The following CCDC63 variants were observed in gnomAD, a reference collection of about 807,000 sequenced individuals.
CCDC63 encodes the protein coiled-coil domain-containing protein 63.
CCDC63 carries 54 observed loss-of-function variants against 63.6 expected under a neutral mutation model. The observed-to-expected ratio is 0.85, with a 90% CI of 0.68 to 1.07. The LOEUF (loss-of-function observed/expected upper bound fraction) is 1.07. Ranked by LOEUF, CCDC63 falls within the 50% of genes least tolerant of loss-of-function variation. CCDC63 has a pLI of 0.00. For missense variants in CCDC63, 637 were observed against 689.6 expected (o/e 0.92, Z 0.86); for synonymous variants, 253 against 266.1 (o/e 0.95, Z 0.48).
rs2071242000 is a variant in CCDC63 at position 110,883,903 on chromosome 12, G to A, written c.854-127G>A. The A allele has an allele frequency of 4.0e-5, 30 of 759,100 alleles. No individual in the cohort carries two copies. The South Asian group carries it at 4.2e-4, about 11-fold the overall frequency. 47.0% of individuals were successfully genotyped at this position (759,100 alleles called of 1,614,324 possible). On this transcript the variant is annotated intron_variant, in intron 7 of 11. Coordinates refer to ENST00000308208, the MANE Select transcript of CCDC63 (RefSeq NM_152591.3). ...GATCTGCCTGCCTCGGCTTCCCAAAGTGTTGGGATTACAGGCGTGAGTCAC... is the reference window on the plus strand; with the variant it reads ...GATCTGCCTGCCTCGGCTTCCCAAAATGTTGGGATTACAGGCGTGAGTCAC...
intron 1 of CCDC63, among the ~76,000 whole-genome samples, chr12:110,847,577 A>AAT (rs1555251117): frequency 9.3e-5 from 14 of 151,338 alleles, no homozygotes; most frequent in African/African-American, 2.7e-4. Context: ...AAAAAAAAAA[A>AAT]GTTCAACAAA....
chr12:110,874,011 C>T (rs2071100438), intron 5 of CCDC63, 50 bp downstream of exon 5: 1 of 1,570,258 alleles, frequency 6.4e-7, no homozygotes, highest in Non-Finnish European at 8.6e-7. Flanking sequence ...CCCACGTTTG[C>T]TCAGAACAAA....
intron 4 of CCDC63, among the ~76,000 whole-genome samples, chr12:110,860,636 C>G (rs1008585697): frequency 7.2e-5 from 11 of 152,176 alleles, no homozygotes; most frequent in African/African-American, 2.4e-4. Flanking sequence ...GTCGCCCAGG[C>G]TGGAGTGTAG....
At chr12:110,906,148 G>T (rs981224377) in intron 11 of CCDC63, among the ~76,000 whole-genome samples, 1 of 125,832 alleles carries the variant, frequency 7.9e-6, no homozygotes, top group Non-Finnish European at 1.6e-5. Flanking sequence ...GATATTTTTG[G>T]TTGTCACAAC....
At chr12:110,899,223 T>C in intron 10 of CCDC63, 98 bp downstream of exon 10, 1 of 1,122,890 alleles carries the variant, frequency 8.9e-7, no homozygotes, top group East Asian at 2.6e-5. Flanking sequence ...GTGAGCTTTG[T>C]GGCAAAGTGT....
intron 11 of CCDC63, among the ~76,000 whole-genome samples, 155 bp downstream of exon 11, chr12:110,904,946 C>T (rs1158851350): frequency 6.6e-6 from 1 of 152,010 alleles, no homozygotes; most frequent in African/African-American, 2.4e-5. Context: ...CCCTTGGGTG[C>T]CATCTTGGCT....
At chr12:110,861,021 G>A (rs1345976086) in intron 4 of CCDC63, among the ~76,000 whole-genome samples, 1 of 152,196 alleles carries the variant, frequency 6.6e-6, no homozygotes, top group African/African-American at 2.4e-5. Flanking sequence ...CAAAGGGGGA[G>A]CAGGCACGTC....
intron 3 of CCDC63, among the ~76,000 whole-genome samples, chr12:110,857,600 T>C (rs1396906178): frequency 6.6e-6 from 1 of 152,128 alleles, no homozygotes; most frequent in Non-Finnish European, 1.5e-5. Context: ...CAAACCACAT[T>C]GGGGAGTGGG....
rs751485980 is a variant in CCDC63, at chr12:110,880,059, G to C, written c.643G>C (p.Glu215Gln). The change falls in exon 6 of 12, where the codon GAG becomes CAG. Residue 215 changes from glutamate (E) to glutamine (Q), a missense_variant. Physicochemically the swap from Glu to Gln is conservative, Grantham distance 29. Coordinates refer to ENST00000308208, the MANE Select transcript of CCDC63 (RefSeq NM_152591.3). Reference sequence around the variant, plus strand: ...GAAGAAAACCATGAACTTGGCCATTGAGCAATCTTCTCAGGCCTATGAGCA... The same window carrying C: ...GAAGAAAACCATGAACTTGGCCATTCAGCAATCTTCTCAGGCCTATGAGCA... ...MEKKTMNLAIEQSSQAYEQRV... is the reference protein window; with the variant it reads ...MEKKTMNLAIQQSSQAYEQRV... The C allele has an allele frequency of 7.4e-6, 12 of 1,613,992 alleles. No individual in the cohort carries two copies. Among genetic ancestry groups the C allele is most frequent in the Non-Finnish European group, 9.3e-6 (11 of 1,180,012 alleles).
chr12:110,898,117 A>T (rs1453171834), intron 9 of CCDC63, among the ~76,000 whole-genome samples: 1 of 151,248 alleles, frequency 6.6e-6, no homozygotes. Context: ...CCCCATCTCT[A>T]AAAAAAATAC....
intron 9 of CCDC63, among the ~76,000 whole-genome samples, chr12:110,896,180 G>A (rs1057509188): frequency 6.6e-6 from 1 of 151,898 alleles, no homozygotes; most frequent in African/African-American, 2.4e-5. Context: ...TTGCTCTGTC[G>A]CCCAGGCTGG....
intron 8 of CCDC63, 89 bp from the exon 9 acceptor site, chr12:110,892,987 A>T (rs1163627490): frequency 9.9e-7 from 1 of 1,007,540 alleles, no homozygotes; most frequent in African/African-American, 1.6e-5. Context: ...TGAAATCCTC[A>T]TCGACTCTTT....
chr12:110,896,739 ACT>A lies in CCDC63; in HGVS notation c.1150-2191_1150-2190del, dbSNP rs1018131997. 6.6e-5 allele frequency among the ~76,000 whole-genome samples: 10 copies of A among 152,210 alleles called. No homozygotes were observed. In the East Asian group the frequency reaches 7.7e-4, roughly 12 times the overall value. On this transcript the variant is annotated intron_variant, in intron 9 of 11. Coordinates refer to ENST00000308208, the MANE Select transcript of CCDC63 (RefSeq NM_152591.3). ...CAGGCTGCGCCCCAGGCCAATTAAG[ACT>A]CTGAATCACTGAGGGTGGAGTTGGG...
At chr12:110,871,525 A>C (rs1481765290) in intron 4 of CCDC63, among the ~76,000 whole-genome samples, 6 of 142,984 alleles carry the variant, frequency 4.2e-5, no homozygotes, top group South Asian at 2.2e-4. Flanking sequence ...CCTTCTCTCT[A>C]TCTTTCCTTC....
chr12:110,907,329 A>C lies in CCDC63; in HGVS notation c.1547-2A>C. 1 of 1,613,068 alleles carries C rather than the reference A, an allele frequency of 6.2e-7. No individual in the cohort carries two copies. The highest frequency in any genetic ancestry group is 8.5e-7 in the Non-Finnish European group (1 of 1,179,714). Reference sequence around the variant, plus strand: ...CCTCACACAAATCTGATCTTGGTGCAGTGGAACAGCCCCTGGACCACAGCA... The same window carrying C: ...CCTCACACAAATCTGATCTTGGTGCCGTGGAACAGCCCCTGGACCACAGCA... On this transcript the variant is annotated splice_acceptor_variant, in intron 11 of 11. Transcript: ENST00000308208. LOFTEE classifies it high-confidence loss of function. The surrounding 1 kb of genome is among the most constrained non-coding windows in gnomAD (Gnocchi z 4.4).
At chr12:110,867,704 T>C (rs2070987872) in intron 4 of CCDC63, among the ~76,000 whole-genome samples, 2 of 113,048 alleles carry the variant, frequency 1.8e-5, no homozygotes, top group South Asian at 2.8e-4. Flanking sequence ...GGCGGAGGGC[T>C]GACCCCCCCA....
chr12:110,849,442 T>C (rs2070678216), intron 1 of CCDC63, among the ~76,000 whole-genome samples: 1 of 152,090 alleles, frequency 6.6e-6, no homozygotes, highest in South Asian at 2.1e-4. Flanking sequence ...CATGCATGCC[T>C]TCACAATAAT....
Position 110,853,542 on chromosome 12 carries a change from G to A in CCDC63, c.147G>A (p.Lys49=). ...TGGTGGAAAGCCGGAAGTCTTTTAA[G>A]TTCCGAAACCAGCAGAAGATTGCGA... The part of the protein sequence containing the change: ...RKMVESRKSF[K]FRNQQKIASQ... Residue 49 remains lysine (K), a synonymous_variant, in exon 3 of 12, where the codon AAG becomes AAA. Coordinates refer to ENST00000308208, the MANE Select transcript of CCDC63 (RefSeq NM_152591.3). 6.2e-7 allele frequency: 1 copy of A among 1,614,206 alleles called. No individual in the cohort carries two copies. Among genetic ancestry groups the A allele is most frequent in the Non-Finnish European group, 8.5e-7 (1 of 1,180,048 alleles).
chr12:110,866,814 G>A (rs1183707756), intron 4 of CCDC63, among the ~76,000 whole-genome samples: 1 of 147,594 alleles, frequency 6.8e-6, no homozygotes, highest in African/African-American at 2.5e-5. Context: ...ATCCTGGCCC[G>A]TTCTCAATGA....
Sources: allele counts gnomAD v4.1 joint callset (sites outside exome capture counted in the v4.1 genomes callset), GRCh38; gene constraint gnomAD v4.1.1; non-coding constraint Gnocchi (gnomAD v3.1); transcripts MANE v1.5; gene names NCBI Gene and HGNC (gene_info 2026-07-23, HGNC 2026-07-21).